Variants in RBM42 observed in about 807,000 individuals in gnomAD.
RBM42 encodes RNA-binding protein 42.
Under a neutral mutation model 41.4 loss-of-function variants are expected in RBM42, and 21 were observed. That is an observed-to-expected ratio of 0.51 (90% CI 0.36 to 0.73). RBM42 has a LOEUF of 0.73. Ranked by LOEUF, RBM42 falls within the 30% of genes least tolerant of loss-of-function variation. The probability of loss-of-function intolerance (pLI) is 0.00; values close to 1 mark genes in which losing one functional copy is unlikely to be tolerated. For missense variants in RBM42, 539 were observed against 680.4 expected (o/e 0.79, Z 2.31); for synonymous variants, 272 against 271.2 (o/e 1.00, Z -0.03).
Position 35,629,211 on chromosome 19 carries a change from G to T in RBM42, c.58G>T (p.Gly20Cys). The change falls in exon 1 of 10, where the codon GGT becomes TGT. Residue 20 changes from glycine (G) to cysteine (C), a missense_variant. Gly to Cys is a radical substitution (Grantham distance 159, BLOSUM62 -3). Transcript: ENST00000262633. ...LPGAGGPVVP[G>C]PGAGIPGKSG... The stretch of plus-strand genomic sequence containing the variant: ...GGGTGCAGGAGGACCCGTGGTCCCG[G>T]GTCCTGGCGCTGGCATCCCGGGCAA... 6.5e-7 allele frequency: 1 copy of T among 1,538,068 alleles called. No homozygotes were observed. The highest frequency in any genetic ancestry group is 1.2e-5 in the South Asian group (1 of 83,908).
In RBM42 at chr19:35,634,333, G is replaced by T. The variant is rs769074085; in HGVS notation, c.1095G>T (p.Gly365=). 1.2e-6 allele frequency: 2 copies of T among 1,614,010 alleles called. No individual in the cohort carries two copies. Among genetic ancestry groups the T allele is most frequent in the Non-Finnish European group, 1.7e-6 (2 of 1,180,014 alleles). ...AACGGTGCATTCGCACAGCGGCAGGGAGCAGCTGGGAGGACCCCAGCCTGC... is the reference window on the plus strand; with the variant it reads ...AACGGTGCATTCGCACAGCGGCAGGTAGCAGCTGGGAGGACCCCAGCCTGC... ...KLKRCIRTAA[G]SSWEDPSLLE... The change falls in exon 8 of 10, where the codon GGG becomes GGT. Residue 365 remains glycine, a synonymous_variant. Coordinates refer to ENST00000262633, the MANE Select transcript of RBM42 (RefSeq NM_024321.5).
At chr19:35,631,570 A>G (rs1967406958) in intron 4 of RBM42, 165 bp downstream of exon 4, 6 of 684,936 alleles carry the variant, frequency 8.8e-6, no homozygotes, top group Middle Eastern at 3.1e-4. Context: ...GATGATGTCA[A>G]TTTTGTTTTA....
At chr19:35,631,083 G>T in intron 2 of RBM42, 57 bp from the exon 3 acceptor site, 1 of 1,480,066 alleles carries the variant, frequency 6.8e-7, no homozygotes, top group Non-Finnish European at 9.4e-7. Context: ...GGGTGAGCTG[G>T]CCGCAGCAGA....
At chr19:35,631,101 G>A in intron 2 of RBM42, 39 bp from the exon 3 acceptor site, 1 of 1,574,224 alleles carries the variant, frequency 6.4e-7, no homozygotes, top group Non-Finnish European at 8.7e-7. Context: ...AGATGGGAAT[G>A]CTGAGTCAGG....
intron 4 of RBM42, 192 bp downstream of exon 4, chr19:35,631,597 C>A: frequency 1.7e-6 from 1 of 605,764 alleles, no homozygotes; most frequent in East Asian, 2.8e-5. Flanking sequence ...TCATTGCAAA[C>A]CAACCCTCCT....
At chr19:35,636,183 G>C (rs1411690092) in intron 8 of RBM42, among the ~76,000 whole-genome samples, 1 of 148,968 alleles carries the variant, frequency 6.7e-6, no homozygotes, top group Non-Finnish European at 1.5e-5. Context: ...TTTTGAGACA[G>C]AGTCTCGCAC....
chr19:35,631,751 A>G (rs1210580353), intron 4 of RBM42: 2 of 348,328 alleles, frequency 5.7e-6, no homozygotes, highest in Non-Finnish European at 1.1e-5. Context: ...TCTGCCACAT[A>G]GGAAGCATTA....
intron 6 of RBM42, 51 bp from the exon 7 acceptor site, chr19:35,633,635 TA>T: frequency 7.3e-7 from 1 of 1,374,722 alleles, no homozygotes; most frequent in South Asian, 1.8e-5. Flanking sequence ...GAGATGACAG[TA>T]AAGTCTGAGC....
At chr19:35,630,244 G>A (rs1275383472) in intron 2 of RBM42, among the ~76,000 whole-genome samples, 10 of 151,930 alleles carry the variant, frequency 6.6e-5, no homozygotes, top group Admixed American at 6.6e-4. Flanking sequence ...AACCCAGGAA[G>A]CGGAGGTTGC....
chr19:35,633,037 T>TC (rs751543100), intron 5 of RBM42, 36 bp downstream of exon 5: 3 of 1,599,286 alleles, frequency 1.9e-6, no homozygotes, highest in Non-Finnish European at 8.6e-7. Flanking sequence ...GCCACATAAC[T>TC]CCCCCCAGGC....
rs967594135 is a variant in RBM42 at position 35,630,087 on chromosome 19, G to A, written c.282+414G>A. Among the ~76,000 whole-genome samples, 55 of 152,088 alleles carry A rather than the reference G, an allele frequency of 3.6e-4. 1 individual carries two copies. The highest frequency in any genetic ancestry group is 3.3e-3 in the Admixed American group (51 of 15,252). On this transcript the variant is annotated intron_variant, in intron 2 of 9. Coordinates refer to ENST00000262633, the MANE Select transcript of RBM42 (RefSeq NM_024321.5). Reference sequence around the variant, plus strand: ...TCCCAGCACTTTGGGAGACCAAGGCGGGCAGATCACGAGGTCAAGAGATCG... The same window carrying A: ...TCCCAGCACTTTGGGAGACCAAGGCAGGCAGATCACGAGGTCAAGAGATCG...
At position 35,633,839 on chromosome 19, in the gene RBM42, C is replaced by G; in HGVS notation, c.837C>G (p.Val279=). 1 of 1,557,906 alleles carries G rather than the reference C, an allele frequency of 6.4e-7. No homozygotes were observed. Among genetic ancestry groups the G allele is most frequent in the South Asian group, 1.2e-5 (1 of 84,946 alleles). ...GAGGAPAGPA[V]IGPSLPLALA... ...GAGGTGCCCCAGCTGGCCCTGCAGT[C>G]ATTGGGCCCAGCCTGCCGCTGGCCC... The change falls in exon 7 of 10, where the codon GTC becomes GTG. Residue 279 remains valine (V), a synonymous_variant. Transcript: ENST00000262633.
In RBM42 at chr19:35,637,476, C is replaced by G; in HGVS notation, c.1365C>G (p.Arg455=). The G allele has an allele frequency of 1.9e-6, 3 of 1,614,222 alleles. No individual in the cohort carries two copies. The highest frequency in any genetic ancestry group is 2.5e-6 in the Non-Finnish European group (3 of 1,180,046). Residue 455 remains arginine, a synonymous_variant, in exon 10 of 10, where the codon CGC becomes CGG. Transcript: ENST00000262633. The surrounding 1 kb of genome is among the most constrained non-coding windows in gnomAD (Gnocchi z 7.0). ...KYVGSRPIKL[R]KSMWKDRNLD... The stretch of plus-strand genomic sequence containing the variant: ...TGGGCTCGCGCCCCATCAAGCTTCG[C>G]AAGAGCATGTGGAAGGACCGGAATC...
chr19:35,633,014 G>T lies in RBM42; in HGVS notation c.508+13G>T, dbSNP rs758222708. On this transcript the variant is annotated intron_variant, in intron 5 of 9. Coordinates refer to ENST00000262633, the MANE Select transcript of RBM42 (RefSeq NM_024321.5). ...CTACAGAGAGCAGGTGAGGGGCCAG[G>T]GTCATCATCCCTGCCACATAACTCC... 2.6e-5 allele frequency: 42 copies of T among 1,608,612 alleles called. No individual in the cohort carries two copies. Among genetic ancestry groups the T allele is most frequent in the Non-Finnish European group, 3.5e-5 (41 of 1,175,198 alleles).
Position 35,631,152 on chromosome 19 carries a change from C to A in RBM42, c.295C>A (p.Leu99Met). ...TCTTCCTCGACAGGTCCAGCAGACT[C>A]TGGAGGCCCGAGCAGCTGCTGCAGC... Reference protein sequence around the residue: ...TNTYQQVQQTLEARAAAAATV... With the variant: ...TNTYQQVQQTMEARAAAAATV... Residue 99 changes from leucine (L) to methionine (M), a missense_variant, in exon 3 of 10, where the codon CTG becomes ATG. Transcript: ENST00000262633. The A allele has an allele frequency of 6.2e-7, 1 of 1,614,128 alleles. No individual in the cohort carries two copies. The highest frequency in any genetic ancestry group is 8.5e-7 in the Non-Finnish European group (1 of 1,180,030).
rs535945005 is a variant in RBM42, at chr19:35,631,131, C to T, written c.283-9C>T. 25 of 1,613,648 alleles carry T rather than the reference C, an allele frequency of 1.5e-5. 1 individual carries two copies. The highest frequency in any genetic ancestry group is 4.5e-5 in the East Asian group (2 of 44,888). On this transcript the variant is annotated splice_polypyrimidine_tract_variant and intron_variant, in intron 2 of 9. Coordinates refer to ENST00000262633, the MANE Select transcript of RBM42 (RefSeq NM_024321.5). ...GTCAGGCCCCTCACCCTGACCTCTT[C>T]CTCGACAGGTCCAGCAGACTCTGGA...
At chr19:35,636,135 T>G (rs1372721658) in intron 8 of RBM42, among the ~76,000 whole-genome samples, 1 of 151,860 alleles carries the variant, frequency 6.6e-6, no homozygotes, top group Non-Finnish European at 1.5e-5. Flanking sequence ...AGCCTGGTTT[T>G]GTTTTGTTTC....
chr19:35,629,641 C>T lies in RBM42; in HGVS notation c.250C>T (p.Arg84Cys). The change falls in exon 2 of 10, where the codon CGC becomes TGC. Residue 84 changes from arginine (R) to cysteine (C), a missense_variant. Arg to Cys is a radical substitution (Grantham distance 180, BLOSUM62 -3). This residue lies in a region of RBM42 where 429 missense variants were observed against 488.9 expected (regional missense o/e 0.88). Transcript: ENST00000262633. ...GCAGGTCCCAGCGGCTCCTGTGATC[C>T]GCCCAATTATCGCGACCAACACATA... is the stretch of plus-strand genomic sequence containing the variant. ...AMQVPAAPVI[R>C]PIIATNTYQQ... 2 of 1,614,158 alleles carry T rather than the reference C, an allele frequency of 1.2e-6. No homozygotes were observed. Among genetic ancestry groups the T allele is most frequent in the Non-Finnish European group, 1.7e-6 (2 of 1,180,034 alleles).
rs769792820 is a variant in RBM42, at chr19:35,629,658, C to T, written c.267C>T (p.Thr89=). Residue 89 remains threonine, a synonymous_variant, in exon 2 of 10, where the codon ACC becomes ACT. Transcript: ENST00000262633. ...CTGTGATCCGCCCAATTATCGCGAC[C>T]AACACATACCAGCAGGTACGGCTGA... ...AAPVIRPIIA[T]NTYQQVQQTL... 1 of 1,614,190 alleles carries T rather than the reference C, an allele frequency of 6.2e-7. No homozygotes were observed. Among genetic ancestry groups the T allele is most frequent in the South Asian group, 1.1e-5 (1 of 91,090 alleles).
Sources: gnomAD v4.1 joint callset for allele counts (sites outside exome capture counted in the v4.1 genomes callset) on GRCh38, gnomAD v4.1.1 for gene constraint, gnomAD v4.1.1 regional missense constraint, Gnocchi (gnomAD v3.1) non-coding constraint, MANE v1.5 for transcripts, NCBI Gene and HGNC (gene_info 2026-07-23, HGNC 2026-07-21) for gene names.